The following EMILIN1 variants were observed in gnomAD, a reference collection of about 807,000 sequenced individuals.
EMILIN1 encodes elastin microfibril interfacer 1.
In EMILIN1, 49 loss-of-function variants were observed where a neutral mutation model predicts 82.4. That is an observed-to-expected ratio of 0.59 (90% confidence interval 0.47 to 0.75). EMILIN1 has a LOEUF of 0.75. Ranked by LOEUF, EMILIN1 falls within the 30% of genes least tolerant of loss-of-function variation. The pLI is 0.00. For synonymous variants in EMILIN1, 604 were observed against 602.2 expected (o/e 1.00, Z -0.04); for missense variants, 1,313 against 1,366.4 (o/e 0.96, Z 0.62).
rs574147213 is a variant in EMILIN1, at chr2:27,085,774, A to G, written c.2810A>G (p.Asn937Ser). 1.3e-5 allele frequency: 21 copies of G among 1,612,674 alleles called. No homozygotes were observed. The East Asian group carries it at 1.6e-4, about 12-fold the overall frequency. The change falls in exon 8 of 8, where the codon AAC (asparagine) becomes AGC (serine). Residue 937 changes from asparagine (N) to serine (S), a missense_variant. Physicochemically the swap from Asn to Ser is conservative, Grantham distance 46. Coordinates refer to ENST00000380320, the MANE Select transcript of EMILIN1 (RefSeq NM_007046.4). ...GTGGAGGCCGTGCTGTCCCGCTCCA[A>G]CCAGGGCGTGGCCCGCGTAGACTCC... ...EKVEAVLSRSNQGVARVDSGG... is the reference protein window; with the variant it reads ...EKVEAVLSRSSQGVARVDSGG...
rs774021975 is a variant in EMILIN1, at chr2:27,082,783, C to G, written c.1212C>G (p.Ala404=). ...GGHPPGYTSL[A]SRLSRLEDRF... is the part of the protein sequence containing the mutation. ...ACCCCCCAGGCTACACCAGCTTGGC[C>G]TCCCGCCTGTCTCGCCTGGAGGACC... is the stretch of plus-strand genomic sequence containing the variant. The change falls in exon 4 of 8, where the codon GCC becomes GCG. Residue 404 remains alanine, a synonymous_variant. Transcript: ENST00000380320. 14 of 1,540,842 alleles carry G rather than the reference C, an allele frequency of 9.1e-6. No homozygotes were observed. Among genetic ancestry groups the G allele is most frequent in the Non-Finnish European group, 1.2e-5 (14 of 1,150,126 alleles).
rs371498868 is a variant in EMILIN1 at position 27,083,723 on chromosome 2, G to A, written c.2152G>A (p.Gly718Ser). The change falls in exon 4 of 8, where the codon GGC (glycine) becomes AGC (serine). Residue 718 changes from glycine to serine, a missense_variant. Gly to Ser is a moderately conservative substitution (Grantham distance 56). Transcript: ENST00000380320. ...RGLEEGQAQA[G>S]QCPSLEGRLG... ...CCTAGAGGAGGGACAAGCACAGGCC[G>A]GCCAGTGCCCCAGCTTAGAGGGGCG... The A allele has an allele frequency of 5.8e-5, 94 of 1,613,682 alleles. 1 individual carries two copies. Among genetic ancestry groups the A allele is most frequent in the South Asian group, 2.5e-4 (23 of 91,078 alleles).
chr2:27,082,689 C>G lies in EMILIN1; in HGVS notation c.1118C>G (p.Ala373Gly). 1 of 1,553,776 alleles carries G rather than the reference C, an allele frequency of 6.4e-7. No individual in the cohort carries two copies. The highest frequency in any genetic ancestry group is 8.7e-7 in the Non-Finnish European group (1 of 1,153,262). ...CTGGAGCGCAGGCTGGATGTCGTGGCCGGCTCAGTGACAGTGCTGAGTGGG... is the reference window on the plus strand; with the variant it reads ...CTGGAGCGCAGGCTGGATGTCGTGGGCGGCTCAGTGACAGTGCTGAGTGGG... ...AELERRLDVV[A>G]GSVTVLSGRR... Residue 373 changes from alanine (A) to glycine (G), a missense_variant, in exon 4 of 8, where the codon GCC (alanine) becomes GGC (glycine). Physicochemically the swap from Ala to Gly is moderately conservative, Grantham distance 60. Coordinates refer to ENST00000380320, the MANE Select transcript of EMILIN1 (RefSeq NM_007046.4).
At chr2:27,084,254 G>A (rs1192931657) in intron 4 of EMILIN1, among the ~76,000 whole-genome samples, 161 bp from the exon 5 acceptor site, 1 of 152,204 alleles carries the variant, frequency 6.6e-6, no homozygotes, top group Admixed American at 6.5e-5. Context: ...CTGCCAGCCA[G>A]GGATCCAGCA....
Position 27,083,544 on chromosome 2 carries a change from A to T in EMILIN1, c.1973A>T (p.Asn658Ile), listed in dbSNP as rs780673311. 1 of 1,614,016 alleles carries T rather than the reference A, an allele frequency of 6.2e-7. No individual in the cohort carries two copies. Among genetic ancestry groups the T allele is most frequent in the African/African-American group, 1.3e-5 (1 of 74,944 alleles). ...GTTATTCTCAGCTTCAGCTCCCTCA[A>T]TGACTCACTGAATGAGCTCCAGACC... ...SEVILSFSSL[N>I]DSLNELQTTV... Residue 658 changes from asparagine (N) to isoleucine (I), a missense_variant, in exon 4 of 8, where the codon AAT becomes ATT. By Grantham distance (149) the Asn-to-Ile change is moderately radical. Transcript: ENST00000380320.
In EMILIN1 at chr2:27,082,578, G is replaced by A. The variant is rs532517626; in HGVS notation, c.1007G>A (p.Arg336Gln). The change falls in exon 4 of 8, where the codon CGG becomes CAG. Residue 336 changes from arginine to glutamine, a missense_variant. Coordinates refer to ENST00000380320, the MANE Select transcript of EMILIN1 (RefSeq NM_007046.4). Reference protein sequence around the residue: ...MEKLLASVEERQRHLAGLAVG... With the variant: ...MEKLLASVEEQQRHLAGLAVG... ...AAGCTGCTGGCCTCGGTGGAGGAGC[G>A]GCAACGGCACCTCGCAGGGCTGGCG... The A allele has an allele frequency of 7.0e-5, 108 of 1,542,466 alleles. 1 individual carries two copies. The Admixed American group carries it at 1.8e-3, about 25-fold the overall frequency.
In EMILIN1 at chr2:27,082,632, G is replaced by A; in HGVS notation, c.1061G>A (p.Cys354Tyr). 1 of 1,545,744 alleles carries A rather than the reference G, an allele frequency of 6.5e-7. No individual in the cohort carries two copies. The highest frequency in any genetic ancestry group is 8.7e-7 in the Non-Finnish European group (1 of 1,147,992). Residue 354 changes from cysteine to tyrosine, a missense_variant, in exon 4 of 8, where the codon TGC (cysteine) becomes TAC (tyrosine). Cys to Tyr is a radical substitution (Grantham distance 194). Transcript: ENST00000380320. ...GGCCGCAGGCCCCCTCAGGAATGCTGCTCTCCAGAGCTGGGCCGGCGACTG... is the reference window on the plus strand; with the variant it reads ...GGCCGCAGGCCCCCTCAGGAATGCTACTCTCCAGAGCTGGGCCGGCGACTG... ...AVGRRPPQEC[C>Y]SPELGRRLAE...
intron 6 of EMILIN1, 71 bp from the exon 7 acceptor site, chr2:27,085,089 G>A (rs1461380184): frequency 1.6e-5 from 26 of 1,612,630 alleles, no homozygotes; most frequent in Non-Finnish European, 2.1e-5. Flanking sequence ...CCTGGGCTGG[G>A]GATCCAGCAG....
rs758742017 is a variant in EMILIN1, at chr2:27,082,603, G to A, written c.1032G>A (p.Ala344=). Residue 344 remains alanine (A), a synonymous_variant, in exon 4 of 8, where the codon GCG becomes GCA. Coordinates refer to ENST00000380320, the MANE Select transcript of EMILIN1 (RefSeq NM_007046.4). ...EERQRHLAGL[A]VGRRPPQECC... Reference sequence around the variant, plus strand: ...GGCAACGGCACCTCGCAGGGCTGGCGGTGGGCCGCAGGCCCCCTCAGGAAT... The same window carrying A: ...GGCAACGGCACCTCGCAGGGCTGGCAGTGGGCCGCAGGCCCCCTCAGGAAT... 2.0e-5 allele frequency: 31 copies of A among 1,543,066 alleles called. No individual in the cohort carries two copies. Among genetic ancestry groups the A allele is most frequent in the South Asian group, 8.3e-5 (7 of 84,070 alleles).
At chr2:27,081,115 G>A (rs1467071989) in intron 3 of EMILIN1, among the ~76,000 whole-genome samples, 163 bp downstream of exon 3, 17 of 132,072 alleles carry the variant, frequency 1.3e-4, no homozygotes, top group African/African-American at 3.9e-4. Flanking sequence ...GCCCGTGTGT[G>A]TGTGTGTGTG....
In EMILIN1 at chr2:27,085,695, C is replaced by G; in HGVS notation, c.2731C>G (p.Leu911Val). The G allele has an allele frequency of 6.2e-7, 1 of 1,600,220 alleles. No homozygotes were observed. The highest frequency in any genetic ancestry group is 8.6e-7 in the Non-Finnish European group (1 of 1,169,540). ...DPETGVFTAP[L>V]AGRYLLSAVL... Reference sequence around the variant, plus strand: ...GTCCCCAGGCGTGTTCACAGCGCCACTGGCTGGACGCTACTTGCTGAGCGC... The same window carrying G: ...GTCCCCAGGCGTGTTCACAGCGCCAGTGGCTGGACGCTACTTGCTGAGCGC... The change falls in exon 8 of 8, where the codon CTG (leucine) becomes GTG (valine). Residue 911 changes from leucine (L) to valine (V), a missense_variant. By Grantham distance (32) the Leu-to-Val change is conservative. Coordinates refer to ENST00000380320, the MANE Select transcript of EMILIN1 (RefSeq NM_007046.4).
chr2:27,085,251 C>G lies in EMILIN1; in HGVS notation c.2667C>G (p.Phe889Leu). 1 of 1,614,094 alleles carries G rather than the reference C, an allele frequency of 6.2e-7. No individual in the cohort carries two copies. Among genetic ancestry groups the G allele is most frequent in the African/African-American group, 1.3e-5 (1 of 75,046 alleles). ...LPRSEPGTVP[F>L]DRVLLNDGGY... ...GGTCTGAACCAGGCACGGTCCCCTT[C>G]GACAGAGTCCTGCTCAATGATGGAG... The change falls in exon 7 of 8, where the codon TTC (phenylalanine) becomes TTG (leucine). Residue 889 changes from phenylalanine to leucine, a missense_variant. Transcript: ENST00000380320.
intron 6 of EMILIN1, 40 bp downstream of exon 6, chr2:27,085,048 A>G (rs745333377): frequency 1.9e-6 from 3 of 1,613,160 alleles, no homozygotes; most frequent in East Asian, 4.5e-5. Flanking sequence ...AGAAGTGACT[A>G]GGGGTTGGAG....
rs1474465406 is a variant in EMILIN1 at position 27,085,958 on chromosome 2, G to A, written c.2994G>A (p.Pro998=). 2.6e-6 allele frequency: 4 copies of A among 1,511,434 alleles called. No homozygotes were observed. The highest frequency in any genetic ancestry group is 4.1e-5 in the Admixed American group (2 of 48,808). The allele number at this position is 1,511,434 out of a possible 1,614,324, so 93.6% of individuals were successfully genotyped here. Residue 998 remains proline (P), a synonymous_variant, in exon 8 of 8, where the codon CCG becomes CCA. Transcript: ENST00000380320. ...GGCAGCTGGCGCACTCGGAGGAGCCGCTCACCATCTTCAGCGGGGCCCTGC... is the reference window on the plus strand; with the variant it reads ...GGCAGCTGGCGCACTCGGAGGAGCCACTCACCATCTTCAGCGGGGCCCTGC... ...VMGQLAHSEE[P]LTIFSGALLY... is the part of the protein sequence containing the mutation.
Position 27,083,197 on chromosome 2 carries a change from C to G in EMILIN1, c.1626C>G (p.Leu542=), listed in dbSNP as rs770092227. 3.1e-6 allele frequency: 5 copies of G among 1,611,518 alleles called. No individual in the cohort carries two copies. The Admixed American group carries it at 5.0e-5, about 16-fold the overall frequency. ...GATTACAAGAGGTTGTGGGCCGGCT[C>G]CAGGATCGTGTGGATGCCCAGGATG... is the stretch of plus-strand genomic sequence containing the variant. ...LEGLQEVVGR[L]QDRVDAQDET... The change falls in exon 4 of 8, where the codon CTC becomes CTG. Residue 542 remains leucine, a synonymous_variant. Transcript: ENST00000380320.
chr2:27,078,826 G>A lies in EMILIN1; in HGVS notation c.-240G>A, dbSNP rs1572844304. ...ACAGAGAACAAACCCCCTCAGAAGT[G>A]AAGAGGAGAGCGGAAGGAACCGAGA... On this transcript the variant is annotated 5_prime_UTR_variant, in exon 1 of 8. Coordinates refer to ENST00000380320, the MANE Select transcript of EMILIN1 (RefSeq NM_007046.4). 6.5e-6 allele frequency: 3 copies of A among 460,060 alleles called. No homozygotes were observed. Among genetic ancestry groups the A allele is most frequent in the East Asian group, 7.3e-5 (2 of 27,568 alleles). The allele number at this position is 460,060 out of a possible 1,614,324, so 28.5% of individuals were successfully genotyped here.
rs1384859333 is a variant in EMILIN1, at chr2:27,081,002, A to G, written c.511+50A>G. 9.5e-6 allele frequency: 13 copies of G among 1,370,850 alleles called. No homozygotes were observed. The East Asian group carries it at 1.5e-4, about 16-fold the overall frequency. 84.9% of individuals were successfully genotyped at this position (1,370,850 alleles called of 1,614,324 possible). On this transcript the variant is annotated intron_variant, in intron 3 of 7. Transcript: ENST00000380320. The stretch of plus-strand genomic sequence containing the variant: ...GTGGCAAGTTCCAAATGGTGATCCA[A>G]TGCAATGGGAAATGTGGGGCCAGGC...
chr2:27,085,168 G>A lies in EMILIN1; in HGVS notation c.2584G>A (p.Gly862Arg). The A allele has an allele frequency of 6.2e-7, 1 of 1,614,178 alleles. No homozygotes were observed. Among genetic ancestry groups the A allele is most frequent in the East Asian group, 2.2e-5 (1 of 44,888 alleles). The stretch of plus-strand genomic sequence containing the variant: ...CCACCCTTCCCACTCAGGAGTGGAG[G>A]GGGCACCAGCAGCCCCTGTGCCCCA... ...PGPQGEQGVE[G>R]APAAPVPQVA... The change falls in exon 7 of 8, where the codon GGG (glycine) becomes AGG (arginine). Residue 862 changes from glycine to arginine, a missense_variant. Transcript: ENST00000380320.
At position 27,082,376 on chromosome 2, in the gene EMILIN1, A is replaced by G. The variant is rs1558433601; in HGVS notation, c.805A>G (p.Ser269Gly). 3.7e-6 allele frequency: 6 copies of G among 1,611,092 alleles called. No individual in the cohort carries two copies. The highest frequency in any genetic ancestry group is 4.2e-6 in the Non-Finnish European group (5 of 1,179,430). The part of the protein sequence containing the change: ...GHLNNHHGGS[S>G]SSGGSRAPAP... ...CCTCAACAACCATCATGGCGGCAGC[A>G]GCAGCAGTGGGGGCAGCAGGGCCCC... Residue 269 changes from serine to glycine, a missense_variant, in exon 4 of 8, where the codon AGC becomes GGC. Transcript: ENST00000380320.
Sources: allele counts gnomAD v4.1 joint callset (sites outside exome capture counted in the v4.1 genomes callset), GRCh38; gene constraint gnomAD v4.1.1; transcripts MANE v1.5; gene names NCBI Gene and HGNC (gene_info 2026-07-23, HGNC 2026-07-21).